CNKSR3: variants seen among roughly 807,000 people sequenced by gnomAD.
CNKSR3 encodes the protein connector enhancer of kinase suppressor of ras 3.
In CNKSR3, 36 loss-of-function variants were observed where a neutral mutation model predicts 67.7. The ratio of observed to expected loss-of-function variants is 0.53; its 90% CI spans 0.41 to 0.70. CNKSR3 has a LOEUF of 0.70. CNKSR3 is among the 30% of genes least tolerant of loss of function. The probability of loss-of-function intolerance (pLI) is 0.00; values close to 1 mark genes in which losing one functional copy is unlikely to be tolerated. For missense variants in CNKSR3, 630 were observed against 695.2 expected, an observed-to-expected ratio of 0.91 and a Z score of 1.05; for synonymous variants, 281 against 271.4, an observed-to-expected ratio of 1.04 and a Z score of -0.35.
intron 1 of CNKSR3, among the ~76,000 whole-genome samples, chr6:154,507,284 A>C (rs1787121456): frequency 6.6e-6 from 1 of 152,238 alleles, no homozygotes; most frequent in African/African-American, 2.4e-5. Context: ...ACATCTGTCA[A>C]ATAACAAGGA....
At chr6:154,452,009 C>T (rs2128719465) in intron 1 of CNKSR3, among the ~76,000 whole-genome samples, 1 of 152,302 alleles carries the variant, frequency 6.6e-6, no homozygotes, top group South Asian at 2.1e-4. Context: ...GAGACCAACA[C>T]CCTACCTGGG....
chr6:154,489,264 C>T (rs1175265304), intron 1 of CNKSR3, among the ~76,000 whole-genome samples: 1 of 152,198 alleles, frequency 6.6e-6, no homozygotes, highest in Non-Finnish European at 1.5e-5. Flanking sequence ...GGCACGATGA[C>T]TCACGCCTGT....
At chr6:154,473,081 C>G (rs1482068052) in intron 1 of CNKSR3, among the ~76,000 whole-genome samples, 2 of 152,170 alleles carry the variant, frequency 1.3e-5, no homozygotes, top group African/African-American at 4.8e-5. Flanking sequence ...CCTTCAGTCC[C>G]CAAAGAACCC....
chr6:154,495,293 T>C (rs995622969), intron 1 of CNKSR3, among the ~76,000 whole-genome samples: 3 of 152,220 alleles, frequency 2.0e-5, no homozygotes, highest in South Asian at 2.1e-4. Context: ...GCTTTTGAGA[T>C]TGGTATCTGT....
At chr6:154,420,321 G>C (rs552997028) in intron 9 of CNKSR3, among the ~76,000 whole-genome samples, 9 of 152,160 alleles carry the variant, frequency 5.9e-5, no homozygotes, top group Non-Finnish European at 1.0e-4. Flanking sequence ...CTGGTCAAAG[G>C]GTACAAAGTT....
rs1785583088 is a variant in CNKSR3, at chr6:154,441,387, G to A, written c.420-8C>T. ...ATCCCTGTAAACGGAGCCCTAGAAG[G>A]TAGCAACAATCCTCTTAAAAAGGGG... On this transcript the variant is annotated splice_polypyrimidine_tract_variant and splice_region_variant and intron_variant, in intron 3 of 12. Transcript: ENST00000607772. 1 of 1,609,158 alleles carries A rather than the reference G, an allele frequency of 6.2e-7. No individual in the cohort carries two copies. Among genetic ancestry groups the A allele is most frequent in the Non-Finnish European group, 8.5e-7 (1 of 1,175,652 alleles).
chr6:154,421,743 G>A (rs1279586761), intron 9 of CNKSR3, among the ~76,000 whole-genome samples: 1 of 152,126 alleles, frequency 6.6e-6, no homozygotes, highest in South Asian at 2.1e-4. Flanking sequence ...ACCCTCCCCT[G>A]GTAAAGCGCT....
intron 1 of CNKSR3, among the ~76,000 whole-genome samples, chr6:154,457,114 T>C (rs1292316613): frequency 6.6e-6 from 1 of 152,082 alleles, no homozygotes; most frequent in African/African-American, 2.4e-5. Context: ...CCCCCAAACA[T>C]GACATGTTGC....
intron 5 of CNKSR3, among the ~76,000 whole-genome samples, chr6:154,430,811 A>G (rs1001161063): frequency 6.6e-6 from 1 of 152,188 alleles, no homozygotes; most frequent in African/African-American, 2.4e-5. Context: ...CAGCTTTTAT[A>G]TTAGCTCCTT....
chr6:154,415,021 C>A (rs1371253880), intron 9 of CNKSR3, among the ~76,000 whole-genome samples: 2 of 147,648 alleles, frequency 1.4e-5, no homozygotes, highest in African/African-American at 2.5e-5. Flanking sequence ...TTGCTTGAGC[C>A]CAGGAGGCAG....
At chr6:154,475,874 A>T (rs1435921448) in intron 1 of CNKSR3, among the ~76,000 whole-genome samples, 4 of 124,912 alleles carry the variant, frequency 3.2e-5, no homozygotes, top group South Asian at 2.3e-4. Flanking sequence ...CAAAGATGAT[A>T]AAAAAACCTT....
At chr6:154,499,179 G>A (rs964824434) in intron 1 of CNKSR3, among the ~76,000 whole-genome samples, 8 of 152,140 alleles carry the variant, frequency 5.3e-5, no homozygotes, top group African/African-American at 1.9e-4. Context: ...ACAAGCCAAG[G>A]TTCATTACTC....
At chr6:154,416,145 GC>G (rs1268722881) in intron 9 of CNKSR3, among the ~76,000 whole-genome samples, 3 of 152,086 alleles carry the variant, frequency 2.0e-5, no homozygotes, top group African/African-American at 7.2e-5. Flanking sequence ...AAAACAAAAA[GC>G]TACCCTTCAA....
intron 12 of CNKSR3, 120 bp from the exon 13 acceptor site, chr6:154,406,772 A>T (rs1235019420): frequency 1.2e-6 from 1 of 814,472 alleles, no homozygotes; most frequent in Non-Finnish European, 1.9e-6. Flanking sequence ...GATCTAGACC[A>T]TCCTGGCCAA....
chr6:154,424,875 C>G (rs959771365), intron 7 of CNKSR3, among the ~76,000 whole-genome samples: 1 of 152,136 alleles, frequency 6.6e-6, no homozygotes, highest in African/African-American at 2.4e-5. Context: ...AGGCTCAAGC[C>G]ATTCTCCTGC....
chr6:154,480,892 A>G (rs1000451390), intron 1 of CNKSR3, among the ~76,000 whole-genome samples: 1 of 152,238 alleles, frequency 6.6e-6, no homozygotes. Flanking sequence ...TTTATTTGAT[A>G]GCAGTCTTAT....
At chr6:154,424,167 C>A (rs908250470) in intron 7 of CNKSR3, among the ~76,000 whole-genome samples, 1 of 149,054 alleles carries the variant, frequency 6.7e-6, no homozygotes, top group African/African-American at 2.5e-5. Flanking sequence ...AGGAGCGGAG[C>A]TTGCAGTGAG....
chr6:154,487,263 T>C (rs1786694352), intron 1 of CNKSR3, among the ~76,000 whole-genome samples: 2 of 152,194 alleles, frequency 1.3e-5, no homozygotes, highest in Admixed American at 6.5e-5. Context: ...TTTTCCAGGA[T>C]ATGCCTGAGT....
intron 4 of CNKSR3, among the ~76,000 whole-genome samples, chr6:154,435,459 C>T (rs1167883737): frequency 1.3e-5 from 2 of 152,124 alleles, no homozygotes; most frequent in African/African-American, 2.4e-5. Context: ...CCAAGAATAT[C>T]GGTTCCCTGC....
Sources: allele counts gnomAD v4.1 joint callset (sites outside exome capture counted in the v4.1 genomes callset), GRCh38; gene constraint gnomAD v4.1.1; transcripts MANE v1.5; gene names NCBI Gene and HGNC (gene_info 2026-07-23, HGNC 2026-07-21).